KIF24: variants seen among roughly 807,000 people sequenced by gnomAD.
KIF24 encodes kinesin family member 24, also known as kinesin-like protein KIF24.
In KIF24, 81 loss-of-function variants were observed where a neutral mutation model predicts 118.9. The ratio of observed to expected loss-of-function variants is 0.68; its 90% confidence interval spans 0.57 to 0.82. The LOEUF is 0.82. KIF24 is among the 40% of genes least tolerant of loss of function. KIF24 has a pLI of 0.00. For synonymous variants in KIF24, 599 were observed against 610.0 expected, an observed-to-expected ratio of 0.98 and a Z score of 0.27; for missense variants, 1,560 against 1,661.6, an observed-to-expected ratio of 0.94 and a Z score of 1.06.
In KIF24 at chr9:34,299,804, ATGTG is replaced by A. The variant is rs750264704; in HGVS notation, c.814-2694_814-2691del. On this transcript the variant is annotated intron_variant, in intron 3 of 12. Transcript: ENST00000402558. The stretch of plus-strand genomic sequence containing the variant: ...ATATATATATAGCTGGGCTACCAAG[ATGTG>A]TGTGTGTGTGTGTGCGTGTGTGTGT... Among the ~76,000 whole-genome samples the A allele has an allele frequency of 8.8e-4, 109 of 123,262 alleles. 1 individual carries two copies. The highest frequency in any genetic ancestry group is 2.3e-3 in the African/African-American group (83 of 36,712). 80.9% of individuals were successfully genotyped at this position (123,262 alleles called of 152,430 possible). A position where few individuals can be genotyped will look rare whatever the true frequency, so the allele number is the denominator to read the frequency against.
At chr9:34,320,393 C>T (rs1438109416) in intron 1 of KIF24, among the ~76,000 whole-genome samples, 2 of 150,358 alleles carry the variant, frequency 1.3e-5, no homozygotes, top group Admixed American at 6.6e-5. Context: ...CAGGGTGGCT[C>T]GTGCCTGTAA....
intron 1 of KIF24, among the ~76,000 whole-genome samples, chr9:34,321,248 A>T (rs1837509699): frequency 6.6e-6 from 1 of 152,158 alleles, no homozygotes; most frequent in African/African-American, 2.4e-5. Flanking sequence ...AATATCTGTC[A>T]GTAGACTACC....
chr9:34,256,913 G>A lies in KIF24; in HGVS notation c.2694C>T (p.Pro898=). The part of the protein sequence containing the change: ...LTKSWVDSRD[P]INHRRAALDH... ...CGAGTGCTGCTCTTCTGTGGTTTAT[G>A]GGGTCCCTGGAGTCCACCCAGCTTT... is the stretch of plus-strand genomic sequence containing the variant. Residue 898 remains proline, a synonymous_variant, in exon 11 of 13, where the codon CCC becomes CCT. Coordinates refer to ENST00000402558, the MANE Select transcript of KIF24 (RefSeq NM_194313.4). The A allele has an allele frequency of 6.2e-7, 1 of 1,613,964 alleles. No individual in the cohort carries two copies. The highest frequency in any genetic ancestry group is 1.1e-5 in the South Asian group (1 of 91,074).
chr9:34,330,897 T>C (rs1309164980), upstream of KIF24, among the ~76,000 whole-genome samples: 2 of 150,774 alleles, frequency 1.3e-5, no homozygotes, highest in Non-Finnish European at 3.0e-5. Flanking sequence ...GGAGGCGGAG[T>C]TTGCAGAGAG....
upstream of KIF24, chr9:34,329,566 T>C (rs1372546153): frequency 6.6e-6 from 1 of 152,284 alleles, no homozygotes; most frequent in Non-Finnish European, 1.5e-5. Flanking sequence ...TCAGTTTCCG[T>C]CCAAGGTCCG....
intron 6 of KIF24, among the ~76,000 whole-genome samples, chr9:34,278,315 C>T (rs917300603): frequency 2.6e-5 from 4 of 152,062 alleles, no homozygotes; most frequent in East Asian, 1.9e-4. Context: ...GAGGTTGAGG[C>T]AGGAGAATCC....
At chr9:34,313,615 AATT>A (rs1837239095) in intron 1 of KIF24, among the ~76,000 whole-genome samples, 1 of 151,678 alleles carries the variant, frequency 6.6e-6, no homozygotes, top group South Asian at 2.1e-4. Flanking sequence ...CCCAGATTAA[AATT>A]ATTTTTTATT....
intron 1 of KIF24, among the ~76,000 whole-genome samples, chr9:34,312,476 G>A (rs1474976711): frequency 1.3e-5 from 2 of 152,158 alleles, no homozygotes; most frequent in Non-Finnish European, 2.9e-5. Flanking sequence ...ATAATTCAGA[G>A]TTTTCAAAAA....
intron 4 of KIF24, among the ~76,000 whole-genome samples, chr9:34,290,692 C>A (rs553985576): frequency 6.6e-6 from 1 of 151,704 alleles, no homozygotes. Context: ...CTCTGTCTCC[C>A]GGGTTCAAGT....
At chr9:34,301,107 C>G (rs901042796) in intron 3 of KIF24, among the ~76,000 whole-genome samples, 1 of 152,156 alleles carries the variant, frequency 6.6e-6, no homozygotes, top group Non-Finnish European at 1.5e-5. Context: ...GATATGTAAA[C>G]ATGCAAGATT....
chr9:34,329,048 A>T (rs935329452), intron 1 of KIF24, among the ~76,000 whole-genome samples, 58 bp downstream of exon 1: 11 of 152,204 alleles, frequency 7.2e-5, no homozygotes, highest in Non-Finnish European at 8.8e-5. Context: ...GTCCGCGGGC[A>T]GGCGCCACGG....
intron 9 of KIF24, among the ~76,000 whole-genome samples, chr9:34,262,066 T>C (rs1396202245): frequency 6.6e-6 from 1 of 152,148 alleles, no homozygotes; most frequent in Non-Finnish European, 1.5e-5. Flanking sequence ...CCCAAGTAGC[T>C]GGGACCATGG....
At position 34,300,869 on chromosome 9, in the gene KIF24, A is replaced by G. The variant is rs998489154; in HGVS notation, c.814-3755T>C. Among the ~76,000 whole-genome samples, 253 of 136,304 alleles carry G rather than the reference A, an allele frequency of 1.9e-3. 2 individuals are homozygous for G. Among genetic ancestry groups the G allele is most frequent in the African/African-American group, 3.1e-3 (122 of 39,702 alleles). 89.4% of individuals were successfully genotyped at this position (136,304 alleles called of 152,430 possible). On this transcript the variant is annotated intron_variant, in intron 3 of 12. Transcript: ENST00000402558. ...ATTTCTCAAAAAAAAAAAAAAAAAA[A>G]AAAAAGAAAAAACCCACAACTAAAG...
chr9:34,319,238 G>A lies in KIF24; in HGVS notation c.-25-7867C>T, dbSNP rs1837434689. 7 of 1,477,018 alleles carry A rather than the reference G, an allele frequency of 4.7e-6. No individual in the cohort carries two copies. The Admixed American group carries it at 6.7e-5, about 14-fold the overall frequency. The allele number at this position is 1,477,018 out of a possible 1,614,324, so 91.5% of individuals were successfully genotyped here. ...CATGCCCCACCACGTGGAGCCCCTC[G>A]AGGCCTTAAAAAGCTGGTAACCAAA... On this transcript the variant is annotated intron_variant, in intron 1 of 12. Transcript: ENST00000402558.
chr9:34,285,237 A>T (rs1835993175), intron 6 of KIF24, among the ~76,000 whole-genome samples: 2 of 152,192 alleles, frequency 1.3e-5, no homozygotes, highest in Admixed American at 1.3e-4. Flanking sequence ...CACACAAAAA[A>T]CTAATAAAAT....
chr9:34,281,439 T>C (rs1259800025), intron 6 of KIF24, among the ~76,000 whole-genome samples: 1 of 152,216 alleles, frequency 6.6e-6, no homozygotes, highest in East Asian at 1.9e-4. Context: ...CTCTGCCAGC[T>C]GTTAGCTATG....
intron 5 of KIF24, among the ~76,000 whole-genome samples, chr9:34,287,825 G>A (rs1836105245): frequency 6.6e-6 from 1 of 151,212 alleles, no homozygotes; most frequent in African/African-American, 2.4e-5. Flanking sequence ...GAGCTCAGGA[G>A]TTTGAGGCTG....
chr9:34,296,893 A>C, intron 4 of KIF24, 124 bp downstream of exon 4: 1 of 541,614 alleles, frequency 1.8e-6, no homozygotes, highest in Non-Finnish European at 3.3e-6. Context: ...TAAATTTATT[A>C]GCTCAAAACA....
At chr9:34,325,608 C>T (rs1429970590) in intron 1 of KIF24, among the ~76,000 whole-genome samples, 3 of 151,862 alleles carry the variant, frequency 2.0e-5, no homozygotes, top group Non-Finnish European at 2.9e-5. Flanking sequence ...ATGAGAATCG[C>T]TGGAACCTGG....
Sources: allele counts gnomAD v4.1 joint callset (sites outside exome capture counted in the v4.1 genomes callset), GRCh38; gene constraint gnomAD v4.1.1; transcripts MANE v1.5; gene names NCBI Gene and HGNC (gene_info 2026-07-23, HGNC 2026-07-21).